Variants in GMDS observed in about 807,000 individuals in gnomAD.
The protein encoded by GMDS is GDP-mannose 4,6-dehydratase, also known as GDP-mannose 4,6 dehydratase.
Under a neutral mutation model 49.9 loss-of-function variants are expected in GMDS, and 20 were observed. The observed-to-expected ratio is 0.40, with a 90% CI of 0.28 to 0.58. The LOEUF is 0.58. Ranked by LOEUF, GMDS falls within the 20% of genes least tolerant of loss-of-function variation. The probability of loss-of-function intolerance (pLI) is 0.42; values close to 1 mark genes in which losing one functional copy is unlikely to be tolerated. For synonymous variants in GMDS, 177 were observed against 178.6 expected, an observed-to-expected ratio of 0.99 and a Z score of 0.07; for missense variants, 362 against 481.4, an observed-to-expected ratio of 0.75 and a Z score of 2.32.
At chr6:1,978,338 T>C (rs1765033136) in intron 4 of GMDS, among the ~76,000 whole-genome samples, 1 of 152,106 alleles carries the variant, frequency 6.6e-6, no homozygotes, top group Admixed American at 6.5e-5. Flanking sequence ...AGAGCTCTGA[T>C]GTCTCCCTGG....
chr6:1,759,647 G>A (rs1768086143), intron 7 of GMDS, among the ~76,000 whole-genome samples: 2 of 152,184 alleles, frequency 1.3e-5, no homozygotes, highest in South Asian at 2.1e-4. Context: ...AACAGACAGG[G>A]AAGACACTGT....
intron 4 of GMDS, among the ~76,000 whole-genome samples, chr6:2,103,830 T>C (rs1483981427): frequency 6.6e-6 from 1 of 152,240 alleles, no homozygotes; most frequent in Non-Finnish European, 1.5e-5. Context: ...GATTATGTCA[T>C]TATTTAGGAA....
chr6:1,670,192 C>T (rs1764373373), intron 9 of GMDS, among the ~76,000 whole-genome samples: 1 of 152,148 alleles, frequency 6.6e-6, no homozygotes, highest in African/African-American at 2.4e-5. Flanking sequence ...TCGGGGACTT[C>T]TGCCCAGCAG....
At chr6:1,829,686 C>T (rs1771269729) in intron 7 of GMDS, among the ~76,000 whole-genome samples, 1 of 152,246 alleles carries the variant, frequency 6.6e-6, no homozygotes, top group Non-Finnish European at 1.5e-5. Context: ...GCGATCCACC[C>T]TCCTCGGCCT....
intron 4 of GMDS, among the ~76,000 whole-genome samples, chr6:2,107,004 A>G (rs1774282195): frequency 6.6e-6 from 1 of 152,198 alleles, no homozygotes; most frequent in South Asian, 2.1e-4. Context: ...ATTTTAGCTT[A>G]ATATATATAA....
intron 7 of GMDS, among the ~76,000 whole-genome samples, chr6:1,830,673 G>A (rs567626911): frequency 2.0e-5 from 3 of 152,266 alleles, no homozygotes; most frequent in East Asian, 3.9e-4. Context: ...TGCCTAGAAT[G>A]TAAGCGAATG....
chr6:2,148,954 G>A lies in GMDS; in HGVS notation c.103-24223C>T, dbSNP rs570853312. On this transcript the variant is annotated intron_variant, in intron 1 of 10. Transcript: ENST00000380815. ...CCCTACCCTAGAGGTACAACATGCAGGTACCGCTGATACAGCAGGCTTCCA... is the reference window on the plus strand; with the variant it reads ...CCCTACCCTAGAGGTACAACATGCAAGTACCGCTGATACAGCAGGCTTCCA... Among the ~76,000 whole-genome samples the A allele has an allele frequency of 2.0e-5, 3 of 152,278 alleles. No individual in the cohort carries two copies. The South Asian group carries it at 6.2e-4, about 32-fold the overall frequency.
intron 7 of GMDS, among the ~76,000 whole-genome samples, chr6:1,913,335 CCT>C (rs1198322218): frequency 6.9e-5 from 10 of 145,432 alleles, no homozygotes; most frequent in Admixed American, 3.5e-4. Context: ...GAGCCGAGAT[CCT>C]GCCACTGCAC....
At chr6:2,027,437 G>T (rs1345976509) in intron 4 of GMDS, among the ~76,000 whole-genome samples, 2 of 152,098 alleles carry the variant, frequency 1.3e-5, no homozygotes, top group Non-Finnish European at 2.9e-5. Flanking sequence ...TTTTAAAGCA[G>T]GGAATTTGAA....
chr6:2,238,493 AC>A (rs1159003251), intron 1 of GMDS, among the ~76,000 whole-genome samples: 4 of 152,136 alleles, frequency 2.6e-5, no homozygotes, highest in African/African-American at 9.7e-5. Context: ...TTATCCTCAT[AC>A]TTTTACTATT....
intron 7 of GMDS, among the ~76,000 whole-genome samples, chr6:1,759,065 G>A (rs1768062586): frequency 6.6e-6 from 1 of 152,136 alleles, no homozygotes; most frequent in African/African-American, 2.4e-5. Flanking sequence ...TGGGACTACA[G>A]GTGTGCGCCA....
intron 1 of GMDS, among the ~76,000 whole-genome samples, chr6:2,181,112 T>C (rs187825802): frequency 1.4e-5 from 2 of 145,554 alleles, no homozygotes; most frequent in East Asian, 2.0e-4. Flanking sequence ...GTGGTGGAGC[T>C]TGCAGTGAGC....
At chr6:2,224,317 T>C (rs1459536781) in intron 1 of GMDS, among the ~76,000 whole-genome samples, 1 of 152,250 alleles carries the variant, frequency 6.6e-6, no homozygotes, top group Non-Finnish European at 1.5e-5. Context: ...GGTGTTGGGT[T>C]ACTGTGCTTC....
chr6:1,790,808 G>A (rs370387993), intron 7 of GMDS, among the ~76,000 whole-genome samples: 2 of 152,230 alleles, frequency 1.3e-5, no homozygotes, highest in African/African-American at 4.8e-5. Context: ...TTCTGCTGCT[G>A]CCTGCTTTAC....
intron 4 of GMDS, among the ~76,000 whole-genome samples, chr6:2,074,310 T>G (rs1469858309): frequency 6.6e-6 from 1 of 152,234 alleles, no homozygotes; most frequent in Non-Finnish European, 1.5e-5. Context: ...GCCACTTGCA[T>G]GGCTTTGGAG....
intron 4 of GMDS, among the ~76,000 whole-genome samples, chr6:1,999,178 A>T (rs775121674): frequency 1.3e-5 from 2 of 151,740 alleles, no homozygotes; most frequent in Admixed American, 6.6e-5. Context: ...AAAAATTAGC[A>T]GGGCGTGGTG....
intron 1 of GMDS, among the ~76,000 whole-genome samples, chr6:2,238,094 T>C (rs1490178336): frequency 6.6e-6 from 1 of 151,990 alleles, no homozygotes; most frequent in Non-Finnish European, 1.5e-5. Context: ...TAAGTCATTT[T>C]TAAGACAAAG....
At chr6:1,986,071 T>C (rs1389695872) in intron 4 of GMDS, among the ~76,000 whole-genome samples, 1 of 152,236 alleles carries the variant, frequency 6.6e-6, no homozygotes, top group Non-Finnish European at 1.5e-5. Context: ...TGAGGGACCA[T>C]AATTTTAAGT....
intron 7 of GMDS, among the ~76,000 whole-genome samples, chr6:1,800,928 A>T (rs955691311): frequency 6.6e-6 from 1 of 152,216 alleles, no homozygotes; most frequent in Non-Finnish European, 1.5e-5. Flanking sequence ...TTCTGGGAAG[A>T]ACTGCTGGAG....
Sources: allele counts gnomAD v4.1 joint callset (sites outside exome capture counted in the v4.1 genomes callset), GRCh38; gene constraint gnomAD v4.1.1; transcripts MANE v1.5; gene names NCBI Gene and HGNC (gene_info 2026-07-23, HGNC 2026-07-21).